CSMD1: variants seen among roughly 807,000 people sequenced by gnomAD.
The protein encoded by CSMD1 is CUB and Sushi multiple domains 1.
CSMD1 carries 213 observed loss-of-function variants against 417.5 expected under a neutral mutation model. The observed-to-expected ratio is 0.51, with a 90% confidence interval of 0.46 to 0.57. The LOEUF is 0.57. CSMD1 is among the 20% of genes least tolerant of loss of function. The pLI, the probability that CSMD1 is intolerant of heterozygous loss-of-function variation, is 0.00. For synonymous variants in CSMD1, 2,862 were observed against 1,736.8 expected (o/e 1.65, Z -16.11); for missense variants, 6,923 against 4,529.7 (o/e 1.53, Z -15.17).
intron 3 of CSMD1, among the ~76,000 whole-genome samples, chr8:4,037,612 T>G (rs530790469): frequency 4.9e-3 from 307 of 62,864 alleles, no homozygotes; most frequent in South Asian, 0.017. Context: ...GAATGGACTT[T>G]AGGTCTCTTA....
chr8:4,199,029 G>A (rs767052385), intron 3 of CSMD1, among the ~76,000 whole-genome samples: 5 of 151,874 alleles, frequency 3.3e-5, no homozygotes, highest in African/African-American at 1.2e-4. Context: ...AATCCCCTAT[G>A]TACAGTGAGC....
rs149542406 is a variant in CSMD1 at position 3,746,475 on chromosome 8, G to C, written c.931+7455C>G. ...GTTTTATATATAACAGTAAACGTTT[G>C]TCATGCATTAATATTTCAGAGACAC... On this transcript the variant is annotated intron_variant, in intron 6 of 69. Coordinates refer to ENST00000635120, the MANE Select transcript of CSMD1 (RefSeq NM_033225.6). 1.3e-4 allele frequency among the ~76,000 whole-genome samples: 20 copies of C among 152,282 alleles called. No homozygotes were observed. In the East Asian group the frequency reaches 2.3e-3, roughly 18 times the overall value.
rs13273568 is a variant in CSMD1 at position 4,137,372 on chromosome 8, T to G, written c.416-105273A>C. Among the ~76,000 whole-genome samples, 18 of 103,368 alleles carry G rather than the reference T, an allele frequency of 1.7e-4. 1 individual carries two copies. Among genetic ancestry groups the G allele is most frequent in the African/African-American group, 4.8e-4 (17 of 35,492 alleles). 67.8% of individuals were successfully genotyped at this position (103,368 alleles called of 152,430 possible). A position where few individuals can be genotyped will look rare whatever the true frequency, so the allele number is the denominator to read the frequency against. On this transcript the variant is annotated intron_variant, in intron 3 of 69. Transcript: ENST00000635120. ...TTGAATAGAGAATGCAAACTTCTTATGCTAAATAGATTAATGAAGAACAGA... is the reference window on the plus strand; with the variant it reads ...TTGAATAGAGAATGCAAACTTCTTAGGCTAAATAGATTAATGAAGAACAGA...
At chr8:4,461,962 C>G (rs1049084804) in intron 2 of CSMD1, among the ~76,000 whole-genome samples, 14 of 152,112 alleles carry the variant, frequency 9.2e-5, no homozygotes, top group African/African-American at 3.4e-4. Context: ...AGGATGGGCT[C>G]TATCTCCCGA....
At chr8:3,250,891 C>T (rs1005380001) in intron 26 of CSMD1, among the ~76,000 whole-genome samples, 1 of 152,206 alleles carries the variant, frequency 6.6e-6, no homozygotes, top group African/African-American at 2.4e-5. Flanking sequence ...ATACCCCTCA[C>T]CCACTTGTTG....
chr8:3,237,420 G>T (rs1799217057), intron 26 of CSMD1, among the ~76,000 whole-genome samples: 1 of 151,278 alleles, frequency 6.6e-6, no homozygotes, highest in Non-Finnish European at 1.5e-5. Context: ...TGGCACCATT[G>T]TACTCCAGCA....
chr8:3,903,245 G>A (rs539297667), intron 5 of CSMD1, among the ~76,000 whole-genome samples: 1 of 152,044 alleles, frequency 6.6e-6, no homozygotes, highest in South Asian at 2.1e-4. Context: ...CCTTGTCTCT[G>A]CCATGTCGGG....
chr8:3,871,834 A>G (rs971628337), intron 5 of CSMD1, among the ~76,000 whole-genome samples: 7 of 152,234 alleles, frequency 4.6e-5, no homozygotes, highest in African/African-American at 1.4e-4. Context: ...AGGCTATTAC[A>G]CAATTAGCTT....
At chr8:4,728,942 C>T (rs551563819) in intron 1 of CSMD1, among the ~76,000 whole-genome samples, 7 of 152,232 alleles carry the variant, frequency 4.6e-5, no homozygotes, top group African/African-American at 1.4e-4. Context: ...ACCTGCCAGA[C>T]GTCCATGTGG....
chr8:4,015,225 T>A (rs559641107), intron 4 of CSMD1, among the ~76,000 whole-genome samples: 5 of 152,216 alleles, frequency 3.3e-5, no homozygotes, highest in African/African-American at 4.8e-5. Flanking sequence ...CATTTAAGAT[T>A]CATTTTACAA....
intron 2 of CSMD1, among the ~76,000 whole-genome samples, chr8:4,575,243 A>C (rs750041877): frequency 6.6e-6 from 1 of 152,208 alleles, no homozygotes; most frequent in African/African-American, 2.4e-5. Context: ...GTCTCCTTTT[A>C]CAATTAAAAG....
intron 10 of CSMD1, among the ~76,000 whole-genome samples, chr8:3,543,785 T>C (rs1380869725): frequency 6.6e-6 from 1 of 152,224 alleles, no homozygotes; most frequent in Non-Finnish European, 1.5e-5. Context: ...GACAATTCAC[T>C]GTTTGCAGTC....
chr8:4,574,637 G>C (rs144511366), intron 2 of CSMD1, among the ~76,000 whole-genome samples: 1 of 152,154 alleles, frequency 6.6e-6, no homozygotes, highest in Non-Finnish European at 1.5e-5. Context: ...ATTAATGGGA[G>C]ACACTTAAAG....
At chr8:4,081,707 A>G (rs1800143559) in intron 3 of CSMD1, among the ~76,000 whole-genome samples, 2 of 152,214 alleles carry the variant, frequency 1.3e-5, no homozygotes, top group Admixed American at 6.5e-5. Context: ...AATTCTAAAA[A>G]GTATTTTCTC....
At chr8:3,729,124 C>T (rs985731684) in intron 6 of CSMD1, among the ~76,000 whole-genome samples, 1 of 152,218 alleles carries the variant, frequency 6.6e-6, no homozygotes, top group Non-Finnish European at 1.5e-5. Flanking sequence ...AAGTAGACAA[C>T]TTTCAGAAAA....
chr8:3,732,690 AAAAAG>A (rs567182126), intron 6 of CSMD1, among the ~76,000 whole-genome samples: 1 of 152,140 alleles, frequency 6.6e-6, no homozygotes, highest in African/African-American at 2.4e-5. Context: ...TAAGACAGAA[AAAAAG>A]AAAAGTAAAA....
chr8:4,639,360 G>A (rs1317755877), intron 1 of CSMD1, among the ~76,000 whole-genome samples: 1 of 152,048 alleles, frequency 6.6e-6, no homozygotes, highest in African/African-American at 2.4e-5. Context: ...TGAAAACGGG[G>A]CAGACAGATC....
At chr8:3,020,888 T>C (rs1809314402) in intron 51 of CSMD1, among the ~76,000 whole-genome samples, 1 of 152,240 alleles carries the variant, frequency 6.6e-6, no homozygotes, top group East Asian at 1.9e-4. Context: ...TTTAGTAATA[T>C]GCTAATATGT....
intron 12 of CSMD1, among the ~76,000 whole-genome samples, chr8:3,410,199 T>C (rs1021685533): frequency 5.1e-4 from 78 of 152,368 alleles, no homozygotes; most frequent in African/African-American, 1.8e-3. Flanking sequence ...ATTTCAAATG[T>C]TGATCTGTCT....
Sources: allele counts gnomAD v4.1 joint callset (sites outside exome capture counted in the v4.1 genomes callset), GRCh38; gene constraint gnomAD v4.1.1; transcripts MANE v1.5; gene names NCBI Gene and HGNC (gene_info 2026-07-23, HGNC 2026-07-21).